JCAD: variants seen among roughly 807,000 people sequenced by gnomAD.
The protein encoded by JCAD is junctional cadherin 5 associated, also known as junctional cadherin 5-associated protein.
JCAD carries 40 observed loss-of-function variants against 98.0 expected under a neutral mutation model. That is an observed-to-expected ratio of 0.41 (90% confidence interval 0.32 to 0.53). The LOEUF (loss-of-function observed/expected upper bound fraction) is 0.53. Ranked by LOEUF, JCAD falls within the 20% of genes least tolerant of loss-of-function variation. The probability of loss-of-function intolerance (pLI) is 0.31; values close to 1 mark genes in which losing one functional copy is unlikely to be tolerated. For synonymous variants in JCAD, 691 were observed against 682.3 expected (o/e 1.01, Z -0.20); for missense variants, 1,705 against 1,738.1 (o/e 0.98, Z 0.34).
At chr10:30,050,314 CAAAAAAAAAAAAAA>C (rs61421356) in intron 1 of JCAD, among the ~76,000 whole-genome samples, 3 of 41,760 alleles carry the variant, frequency 7.2e-5, no homozygotes, top group East Asian at 6.2e-4. Flanking sequence ...GACCCTGTCT[CAAAAAAAAAAAAAA>C]AAAAAAAAAA....
At chr10:30,067,722 G>A (rs956192164) in intron 2 of JCAD, among the ~76,000 whole-genome samples, 1 of 152,214 alleles carries the variant, frequency 6.6e-6, no homozygotes, top group African/African-American at 2.4e-5. Context: ...GCACTTACTA[G>A]CGGGGTTGTA....
chr10:30,079,540 G>T (rs1838042667), intron 1 of JCAD, among the ~76,000 whole-genome samples: 4 of 152,006 alleles, frequency 2.6e-5, no homozygotes, highest in Admixed American at 6.6e-5. Context: ...CATTGCCCCT[G>T]TCTAGGCAGA....
chr10:30,053,033 C>T (rs537664993), intron 1 of JCAD, among the ~76,000 whole-genome samples: 9 of 152,174 alleles, frequency 5.9e-5, no homozygotes, highest in African/African-American at 2.2e-4. Context: ...AAAAGAGAGA[C>T]AAATATACTA....
At chr10:30,054,965 G>A (rs1315615526) in intron 1 of JCAD, among the ~76,000 whole-genome samples, 3 of 152,132 alleles carry the variant, frequency 2.0e-5, no homozygotes, top group South Asian at 4.1e-4. Context: ...CACCGCGCCC[G>A]GCCGAAAATG....
At chr10:30,060,212 CA>C (rs898667367), upstream of JCAD, among the ~76,000 whole-genome samples, 2 of 151,746 alleles carry the variant, frequency 1.3e-5, no homozygotes, top group African/African-American at 2.4e-5. Context: ...TTACTTCTTT[CA>C]AAAAAAAGTC....
chr10:30,089,669 C>T (rs562766377), intron 1 of JCAD, among the ~76,000 whole-genome samples: 66 of 152,158 alleles, frequency 4.3e-4, no homozygotes, highest in South Asian at 1.9e-3. Flanking sequence ...TACAGGGTTA[C>T]CATCACCATT....
chr10:30,099,450 C>G (rs185482152), intron 1 of JCAD, among the ~76,000 whole-genome samples: 90 of 151,780 alleles, frequency 5.9e-4, no homozygotes, highest in African/African-American at 1.8e-3. Flanking sequence ...TATTTAGTAC[C>G]AATTTCTTGA....
intron 2 of JCAD, chr10:30,044,908 G>T: frequency 2.2e-6 from 1 of 445,074 alleles, no homozygotes. Flanking sequence ...AGGGATGTCT[G>T]CAAACATGTA....
intron 3 of JCAD, 35 bp from the exon 4 acceptor site, chr10:30,017,952 A>G (rs763299579): frequency 4.0e-6 from 6 of 1,510,672 alleles, no homozygotes; most frequent in Non-Finnish European, 5.5e-6. Flanking sequence ...AATTAGTGTT[A>G]TATTCAACTG....
chr10:30,070,630 G>A (rs10826757), intron 1 of JCAD, among the ~76,000 whole-genome samples: 39,564 of 152,090 alleles, frequency 0.26, 5,310 homozygotes, highest in Middle Eastern at 0.32. Flanking sequence ...GGAGGTTACT[G>A]TAACTAACTG....
intron 2 of JCAD, among the ~76,000 whole-genome samples, chr10:30,034,924 G>A (rs772889926): frequency 1.3e-5 from 2 of 152,198 alleles, no homozygotes; most frequent in Non-Finnish European, 2.9e-5. Context: ...TCTTACCTCT[G>A]CTCTTAGGCT....
At chr10:30,019,963 G>C (rs1297909369) in intron 3 of JCAD, among the ~76,000 whole-genome samples, 4 of 150,078 alleles carry the variant, frequency 2.7e-5, no homozygotes, top group South Asian at 2.1e-4. Context: ...AGCAAGTCTC[G>C]GCATGGTCAA....
intron 3 of JCAD, among the ~76,000 whole-genome samples, chr10:30,023,891 T>C (rs1485076393): frequency 1.3e-5 from 2 of 152,170 alleles, no homozygotes; most frequent in East Asian, 3.8e-4. Flanking sequence ...ACTGGAAATT[T>C]TGTGTTATCA....
In JCAD at chr10:30,028,170, G is replaced by T. The variant is rs779603907; in HGVS notation, c.1978C>A (p.Gln660Lys). The stretch of plus-strand genomic sequence containing the variant: ...TGGATGAAACTGAGGTCATTTGTTT[G>T]TCTGTCTTCTTCTGGTTCCCCTAGA... The part of the protein sequence containing the change: ...QDLGEPEEDR[Q>K]TNDLSFIHLT... The change falls in exon 3 of 4, where the codon CAA (glutamine) becomes AAA (lysine). Residue 660 changes from glutamine to lysine, a missense_variant. Physicochemically the swap from Gln to Lys is moderately conservative, Grantham distance 53. Coordinates refer to ENST00000375377, the MANE Select transcript of JCAD (RefSeq NM_020848.4). The T allele has an allele frequency of 8.1e-6, 13 of 1,614,208 alleles. No individual in the cohort carries two copies. The South Asian group carries it at 1.3e-4, about 16-fold the overall frequency.
chr10:30,049,374 C>A (rs574784757), intron 1 of JCAD, among the ~76,000 whole-genome samples: 1 of 152,184 alleles, frequency 6.6e-6, no homozygotes, highest in Non-Finnish European at 1.5e-5. Flanking sequence ...AAGATGCCTG[C>A]GGCATGTGCT....
chr10:30,069,752 G>A (rs368203296), exon 2 of JCAD: 8 of 152,280 alleles, frequency 5.3e-5, no homozygotes, highest in African/African-American at 1.9e-4. Context: ...TTGAGCCCGG[G>A]AAGTCAAGGT....
At chr10:30,022,919 C>T (rs1278221324) in intron 3 of JCAD, among the ~76,000 whole-genome samples, 24 of 152,208 alleles carry the variant, frequency 1.6e-4, no homozygotes, top group Non-Finnish European at 2.9e-5. Flanking sequence ...GGTCACCACT[C>T]ACTCACTGAC....
rs1022584835 is a variant in JCAD at position 30,059,209 on chromosome 10, G to A, written c.-60+273C>T. Among the ~76,000 whole-genome samples the A allele has an allele frequency of 2.0e-5, 3 of 151,620 alleles. No individual in the cohort carries two copies. Among genetic ancestry groups the A allele is most frequent in the Non-Finnish European group, 4.4e-5 (3 of 67,802 alleles). ...GCCCGCCCCGGGACCCCCGCGCTCC[G>A]AGCGGGGCACCTGAGGGGAGGGGAC... On this transcript the variant is annotated intron_variant, in intron 1 of 3. Transcript: ENST00000375377. The surrounding 1 kb of genome is among the most constrained non-coding windows in gnomAD (Gnocchi z 5.0).
At chr10:30,097,265 G>A (rs1329551091) in intron 1 of JCAD, among the ~76,000 whole-genome samples, 2 of 152,086 alleles carry the variant, frequency 1.3e-5, no homozygotes, top group East Asian at 1.9e-4. Flanking sequence ...AGTGGCCACC[G>A]TATTGAGCAG....
Sources: gnomAD v4.1 joint callset for allele counts (sites outside exome capture counted in the v4.1 genomes callset) on GRCh38, gnomAD v4.1.1 for gene constraint, Gnocchi (gnomAD v3.1) non-coding constraint, MANE v1.5 for transcripts, NCBI Gene and HGNC (gene_info 2026-07-23, HGNC 2026-07-21) for gene names.